Variants in PAK3 observed in about 807,000 individuals in gnomAD.
PAK3 encodes p21 (RAC1) activated kinase 3, also known as serine/threonine-protein kinase PAK 3.
PAK3 carries 4 observed loss-of-function variants against 41.0 expected under a neutral mutation model. The ratio of observed to expected loss-of-function variants is 0.10; its 90% CI spans 0.05 to 0.22. The LOEUF (loss-of-function observed/expected upper bound fraction) is 0.22. Ranked by LOEUF, PAK3 falls within the 10% of genes least tolerant of loss-of-function variation. The pLI is 1.00. For missense variants in PAK3, 205 were observed against 409.9 expected (o/e 0.50, Z 4.32); for synonymous variants, 146 against 139.6 (o/e 1.05, Z -0.32).
chrX:111,211,011 T>C (rs1263410948), intron 16 of PAK3, among the ~76,000 whole-genome samples: 2 of 111,754 alleles, frequency 1.8e-5, no homozygotes, highest in Non-Finnish European at 3.8e-5. Context: ...GGAGATGGCA[T>C]TTTAACCAGT....
chrX:110,995,582 A>G (rs2091726303), intron 1 of PAK3, among the ~76,000 whole-genome samples: 1 of 111,353 alleles, frequency 9.0e-6, no homozygotes, highest in Non-Finnish European at 1.9e-5. Flanking sequence ...GCTTTCGCTC[A>G]TGCCTCTACA....
intron 5 of PAK3, among the ~76,000 whole-genome samples, chrX:111,138,419 A>G (rs1185293846): frequency 9.0e-6 from 1 of 111,551 alleles, no homozygotes; most frequent in Non-Finnish European, 1.9e-5. Context: ...TGTAAAAAAT[A>G]CCAATCCTAT....
At chrX:111,108,362 C>T (rs764847226) in intron 4 of PAK3, among the ~76,000 whole-genome samples, 1 of 111,849 alleles carries the variant, frequency 8.9e-6, no homozygotes, top group African/African-American at 3.3e-5. Context: ...GATCTAACCA[C>T]CACCTCCTCC....
intron 10 of PAK3, among the ~76,000 whole-genome samples, chrX:111,164,143 T>C (rs1276556960): frequency 9.0e-6 from 1 of 111,166 alleles, no homozygotes; most frequent in East Asian, 2.8e-4. Flanking sequence ...CTTTTTCCCT[T>C]AATTCAGAAG....
At chrX:111,028,620 G>T (rs1334303535) in intron 1 of PAK3, among the ~76,000 whole-genome samples, 1 of 111,891 alleles carries the variant, frequency 8.9e-6, no homozygotes, top group Non-Finnish European at 1.9e-5. Context: ...ATGGAAGTCA[G>T]CTAGATACAT....
chrX:110,979,054 T>C (rs2091396269), intron 1 of PAK3, among the ~76,000 whole-genome samples: 2 of 111,353 alleles, frequency 1.8e-5, no homozygotes, highest in South Asian at 7.5e-4. Flanking sequence ...TTGTGATGCA[T>C]TATGCATTTC....
rs1268122823 is a variant in PAK3 at position 111,222,142 on chromosome X, T to G, written c.*1695T>G. On this transcript the variant is annotated 3_prime_UTR_variant, in exon 18 of 18. Transcript: ENST00000372007. ...TTTGTGTTATAGAAGGCTTCTTAAT[T>G]TGCAGTATAAAAGAATCTAAACAGA... 1 of 111,887 alleles carries G rather than the reference T, an allele frequency of 8.9e-6. No individual in the cohort carries two copies. The highest frequency in any genetic ancestry group is 1.9e-5 in the Non-Finnish European group (1 of 53,068). The allele number at this position is 111,887 out of a possible 1,213,427, so 9.2% of individuals were successfully genotyped here.
chrX:111,185,277 T>C (rs749765252), intron 11 of PAK3, among the ~76,000 whole-genome samples: 7 of 111,912 alleles, frequency 6.3e-5, no homozygotes, highest in Non-Finnish European at 9.4e-5. Flanking sequence ...TTAAGTTCCT[T>C]GTAGATTCTG....
intron 11 of PAK3, among the ~76,000 whole-genome samples, chrX:111,188,720 T>G (rs2094535184): frequency 9.0e-6 from 1 of 111,541 alleles, no homozygotes; most frequent in Non-Finnish European, 1.9e-5. Flanking sequence ...AGCTACCATA[T>G]AGACATCAAC....
intron 16 of PAK3, among the ~76,000 whole-genome samples, chrX:111,214,727 G>A (rs2094858480): frequency 9.0e-6 from 1 of 110,838 alleles, no homozygotes; most frequent in Non-Finnish European, 1.9e-5. Context: ...GTACATCTGT[G>A]GGAGTTGCTA....
chrX:111,166,695 C>T (rs1365545487), intron 10 of PAK3, among the ~76,000 whole-genome samples: 1 of 111,610 alleles, frequency 9.0e-6, no homozygotes, highest in Non-Finnish European at 1.9e-5. Context: ...AAATCATAGA[C>T]CCATTGCTAT....
intron 1 of PAK3, among the ~76,000 whole-genome samples, chrX:111,039,681 T>A (rs898961066): frequency 6.3e-5 from 7 of 111,567 alleles, no homozygotes; most frequent in Non-Finnish European, 9.4e-5. Flanking sequence ...AATGATTTTT[T>A]ACTTGGAGAA....
chrX:111,048,263 CT>C (rs2092520013), intron 1 of PAK3, among the ~76,000 whole-genome samples: 1 of 111,107 alleles, frequency 9.0e-6, no homozygotes, highest in Admixed American at 9.6e-5. Context: ...TCTATGTCAT[CT>C]CTAATTGTTG....
At chrX:111,170,605 C>G (rs1174495353) in intron 10 of PAK3, among the ~76,000 whole-genome samples, 2 of 111,413 alleles carry the variant, frequency 1.8e-5, no homozygotes, top group African/African-American at 3.3e-5. Context: ...AGCCACTGTT[C>G]TAGGCTCCAA....
intron 1 of PAK3, among the ~76,000 whole-genome samples, chrX:111,085,188 A>G (rs756361062): frequency 6.3e-4 from 71 of 112,081 alleles, no homozygotes; most frequent in Non-Finnish European, 1.1e-3. Context: ...GTAATACGTC[A>G]TAGCCAATCA....
Position 111,217,488 on chromosome X carries a change from TTGTC to T in PAK3, c.1545+934_1545+937del, listed in dbSNP as rs757147848. The T allele has an allele frequency of 6.2e-6, 6 of 960,952 alleles. No individual in the cohort carries two copies. The South Asian group carries it at 8.0e-5, about 13-fold the overall frequency. The allele number at this position is 960,952 out of a possible 1,213,427, so 79.2% of individuals were successfully genotyped here. A position where few individuals can be genotyped will look rare whatever the true frequency, so the allele number is the denominator to read the frequency against. On this transcript the variant is annotated intron_variant, in intron 17 of 17. Coordinates refer to ENST00000372007, the MANE Select transcript of PAK3 (RefSeq NM_002578.5). ...GGTTATACAGCGCATTAACCACAGA[TTGTC>T]TGTTCTAGCCTACTCCCTGAAAGAA...
chrX:111,131,325 C>T lies in PAK3; in HGVS notation c.175+8047C>T, dbSNP rs1209142487. Among the ~76,000 whole-genome samples the T allele has an allele frequency of 8.1e-5, 9 of 111,379 alleles. No homozygotes were observed. The South Asian group carries it at 1.1e-3, about 14-fold the overall frequency. The stretch of plus-strand genomic sequence containing the variant: ...TCCAGAATGTAAAAGATATTTGGGC[C>T]GTCTTACTCATTTAATGAACACCTT... On this transcript the variant is annotated intron_variant, in intron 5 of 17. Coordinates refer to ENST00000372007, the MANE Select transcript of PAK3 (RefSeq NM_002578.5).
chrX:111,022,853 T>C (rs1223634361), intron 1 of PAK3, among the ~76,000 whole-genome samples: 3 of 110,809 alleles, frequency 2.7e-5, no homozygotes, highest in Non-Finnish European at 5.7e-5. Context: ...AGATATTCCA[T>C]GCAAACGGAC....
intron 5 of PAK3, among the ~76,000 whole-genome samples, chrX:111,131,382 C>G (rs1389023563): frequency 9.0e-6 from 1 of 111,048 alleles, no homozygotes; most frequent in Admixed American, 9.6e-5. Context: ...ATGTATTCGC[C>G]CAAGATGCTA....
Sources: gnomAD v4.1 joint callset for allele counts (sites outside exome capture counted in the v4.1 genomes callset) on GRCh38, gnomAD v4.1.1 for gene constraint, MANE v1.5 for transcripts, NCBI Gene and HGNC (gene_info 2026-07-23, HGNC 2026-07-21) for gene names.